The following NHSL1 variants were observed in gnomAD, a reference collection of about 807,000 sequenced individuals.
NHSL1 encodes the protein NHS like 1, also known as NHS-like protein 1.
NHSL1 carries 48 observed loss-of-function variants against 95.0 expected under a neutral mutation model. That is an observed-to-expected ratio of 0.51 (90% CI 0.40 to 0.64). NHSL1 has a LOEUF of 0.64. Ranked by LOEUF, NHSL1 falls within the 30% of genes least tolerant of loss-of-function variation. NHSL1 has a pLI of 0.00. For missense variants in NHSL1, 1,971 were observed against 2,077.7 expected (o/e 0.95, Z 1.00); for synonymous variants, 783 against 833.9 (o/e 0.94, Z 1.05).
chr6:138,517,634 C>A (rs1781510227), intron 1 of NHSL1, among the ~76,000 whole-genome samples: 1 of 152,196 alleles, frequency 6.6e-6, no homozygotes, highest in Non-Finnish European at 1.5e-5. Context: ...ATTAATTAAG[C>A]AAATCCTATT....
chr6:138,442,523 G>T (rs1373703166), intron 4 of NHSL1, among the ~76,000 whole-genome samples: 1 of 152,224 alleles, frequency 6.6e-6, no homozygotes, highest in Admixed American at 6.5e-5. Context: ...ATCTTGCAGA[G>T]ATCGAAATTA....
chr6:138,630,392 T>C (rs1029511428), intron 1 of NHSL1, among the ~76,000 whole-genome samples: 17 of 152,180 alleles, frequency 1.1e-4, no homozygotes, highest in African/African-American at 2.9e-4. Flanking sequence ...TCGTGTTTTT[T>C]TGTTTGTTTG....
intron 1 of NHSL1, among the ~76,000 whole-genome samples, chr6:138,551,229 C>A (rs1782989578): frequency 6.6e-6 from 1 of 152,186 alleles, no homozygotes; most frequent in African/African-American, 2.4e-5. Context: ...TGGTTTAAGG[C>A]ATCCACTGGG....
intron 1 of NHSL1, among the ~76,000 whole-genome samples, chr6:138,684,549 GC>G (rs1443119411): frequency 6.6e-6 from 1 of 152,094 alleles, no homozygotes; most frequent in Non-Finnish European, 1.5e-5. Flanking sequence ...GAAGGCTGAG[GC>G]AGAAGAATCA....
chr6:138,646,488 C>A (rs62432535), intron 1 of NHSL1, among the ~76,000 whole-genome samples: 4,458 of 151,270 alleles, frequency 0.029, 97 homozygotes, highest in Non-Finnish European at 0.046. Flanking sequence ...CAGAGCAAGA[C>A]ACTGTCTCGA....
chr6:138,476,085 G>A (rs1350021411), intron 2 of NHSL1, among the ~76,000 whole-genome samples: 3 of 152,196 alleles, frequency 2.0e-5, no homozygotes, highest in Non-Finnish European at 4.4e-5. Flanking sequence ...AAACAGTATG[G>A]AGATTTCTCA....
chr6:138,461,966 C>G (rs1778023596), intron 3 of NHSL1, among the ~76,000 whole-genome samples: 1 of 152,146 alleles, frequency 6.6e-6, no homozygotes, highest in Non-Finnish European at 1.5e-5. Flanking sequence ...TACTGTGTGC[C>G]AGGCCCTGAG....
intron 1 of NHSL1, among the ~76,000 whole-genome samples, chr6:138,523,627 G>GAAAAAAAAAAAAAAAAAAA (rs67335375): frequency 4.6e-5 from 3 of 64,890 alleles, no homozygotes; most frequent in Non-Finnish European, 9.6e-5. Context: ...TTTTAAAGAG[G>GAAAAAAAAAAAAAAAAAAA]AAAAAAAAAA....
intron 1 of NHSL1, among the ~76,000 whole-genome samples, chr6:138,562,667 C>A (rs551513605): frequency 1.3e-4 from 20 of 151,970 alleles, no homozygotes; most frequent in Admixed American, 8.5e-4. Context: ...GTCTCACACA[C>A]AAAAAAATAT....
At chr6:138,616,704 G>A (rs1434069384) in intron 1 of NHSL1, among the ~76,000 whole-genome samples, 2 of 152,182 alleles carry the variant, frequency 1.3e-5, no homozygotes, top group Non-Finnish European at 2.9e-5. Flanking sequence ...AACCCAAGGG[G>A]AGAGGCCAGA....
At chr6:138,649,692 A>G (rs550694421) in intron 1 of NHSL1, among the ~76,000 whole-genome samples, 7 of 152,306 alleles carry the variant, frequency 4.6e-5, no homozygotes, top group African/African-American at 1.4e-4. Context: ...CCCTCATATA[A>G]AAAGAGTAGT....
intron 1 of NHSL1, among the ~76,000 whole-genome samples, chr6:138,534,237 A>C (rs1782248364): frequency 1.3e-5 from 2 of 152,208 alleles, no homozygotes; most frequent in Non-Finnish European, 2.9e-5. Flanking sequence ...TTAATATTTC[A>C]TTCCTTTAAT....
intron 2 of NHSL1, 61 bp from the exon 3 acceptor site, chr6:138,473,494 T>C (rs1778880843): frequency 7.5e-7 from 1 of 1,328,448 alleles, no homozygotes; most frequent in Non-Finnish European, 9.7e-7. Context: ...CCTCTTTACT[T>C]ACTTTACGTT....
chr6:138,538,218 G>T (rs1267168841), intron 1 of NHSL1, among the ~76,000 whole-genome samples: 2 of 152,120 alleles, frequency 1.3e-5, no homozygotes, highest in East Asian at 3.9e-4. Flanking sequence ...TTAGGAAAGG[G>T]TCTAGATAAA....
At chr6:138,622,575 G>A (rs1405723158) in intron 1 of NHSL1, among the ~76,000 whole-genome samples, 1 of 152,134 alleles carries the variant, frequency 6.6e-6, no homozygotes, top group Non-Finnish European at 1.5e-5. Flanking sequence ...TAAAACAAAA[G>A]TGGGGGCAAG....
rs1298267147 is a variant in NHSL1, at chr6:138,433,125, G to T, written c.1220C>A (p.Thr407Asn). The T allele has an allele frequency of 6.4e-7, 1 of 1,550,884 alleles. No individual in the cohort carries two copies. The highest frequency in any genetic ancestry group is 1.2e-5 in the South Asian group (1 of 84,052). The change falls in exon 6 of 8, where the codon ACC (threonine) becomes AAC (asparagine). Residue 407 changes from threonine to asparagine, a missense_variant. By Grantham distance (65) the Thr-to-Asn change is moderately conservative. Transcript: ENST00000343505. ...ATTTGGGATGATGCTGGTGGAGTAG[G>T]TTGCATGAGGAGAAACCACACACGC... is the stretch of plus-strand genomic sequence containing the variant. The part of the protein sequence containing the change: ...SPACVVSPHA[T>N]YSTSIIPNAT...
In NHSL1 at chr6:138,473,099, G is replaced by C. The variant is rs114660012; in HGVS notation, c.339+207C>G. 5.5e-3 allele frequency among the ~76,000 whole-genome samples: 838 copies of C among 152,278 alleles called. 4 individuals carry two copies. The highest frequency in any genetic ancestry group is 0.018 in the African/African-American group (761 of 41,542). ...TTTCTGAAAAGCTGCAAAGAGTATTGCAAGTTTCCTGTGTACCCTTTACCC... is the reference window on the plus strand; with the variant it reads ...TTTCTGAAAAGCTGCAAAGAGTATTCCAAGTTTCCTGTGTACCCTTTACCC... On this transcript the variant is annotated intron_variant, in intron 3 of 7. Coordinates refer to ENST00000343505, the MANE Select transcript of NHSL1 (RefSeq NM_001144060.2).
chr6:138,467,382 G>A (rs918871158), intron 3 of NHSL1, among the ~76,000 whole-genome samples: 6 of 152,166 alleles, frequency 3.9e-5, no homozygotes, highest in African/African-American at 1.4e-4. Flanking sequence ...TCGATCTCCT[G>A]ACCTCATGAT....
At chr6:138,635,293 A>G (rs1784873110) in intron 1 of NHSL1, among the ~76,000 whole-genome samples, 1 of 152,088 alleles carries the variant, frequency 6.6e-6, no homozygotes, top group Non-Finnish European at 1.5e-5. Flanking sequence ...AAATTGGCAA[A>G]CCTTTAGCCA....
Sources: allele counts gnomAD v4.1 joint callset (sites outside exome capture counted in the v4.1 genomes callset), GRCh38; gene constraint gnomAD v4.1.1; transcripts MANE v1.5; gene names NCBI Gene and HGNC (gene_info 2026-07-23, HGNC 2026-07-21).